NR6A1: variants seen among roughly 807,000 people sequenced by gnomAD.
NR6A1 encodes nuclear receptor subfamily 6 group A member 1.
In NR6A1, 7 loss-of-function variants were observed where a neutral mutation model predicts 59.1. The ratio of observed to expected loss-of-function variants is 0.12; its 90% CI spans 0.07 to 0.22. The LOEUF (loss-of-function observed/expected upper bound fraction) is 0.22. Ranked by LOEUF, NR6A1 falls within the 10% of genes least tolerant of loss-of-function variation. NR6A1 has a pLI of 1.00. For synonymous variants in NR6A1, 243 were observed against 236.1 expected, an observed-to-expected ratio of 1.03 and a Z score of -0.27; for missense variants, 468 against 611.6, an observed-to-expected ratio of 0.77 and a Z score of 2.48.
chr9:124,745,938 A>C (rs1363120306), intron 1 of NR6A1, among the ~76,000 whole-genome samples: 1 of 150,156 alleles, frequency 6.7e-6, no homozygotes, highest in African/African-American at 2.5e-5. Flanking sequence ...CAGTAAGCCA[A>C]GATCGCGCCA....
intron 1 of NR6A1, among the ~76,000 whole-genome samples, chr9:124,753,409 G>T (rs1416939871): frequency 6.6e-6 from 1 of 152,122 alleles, no homozygotes; most frequent in African/African-American, 2.4e-5. Context: ...ATAAATGTTG[G>T]GTTGCAGAAT....
intron 2 of NR6A1, among the ~76,000 whole-genome samples, chr9:124,678,331 T>TA (rs887850508): frequency 3.0e-4 from 46 of 152,234 alleles, no homozygotes; most frequent in African/African-American, 1.1e-3. Flanking sequence ...TAAGTCTGAA[T>TA]AATGTACATA....
rs544073664 is a variant in NR6A1 at position 124,749,557 on chromosome 9, A to AT, written c.101-16209dup. Among the ~76,000 whole-genome samples, 892 of 149,492 alleles carry AT rather than the reference A, an allele frequency of 6.0e-3. 9 individuals carry two copies. Among genetic ancestry groups the AT allele is most frequent in the African/African-American group, 0.02 (824 of 40,852 alleles). ...ACCCAATCAATAAAATAAATACGGT[A>AT]TTTTTTTTTTAAGAGACAGGTCTCG... On this transcript the variant is annotated intron_variant, in intron 1 of 9. Transcript: ENST00000487099.
chr9:124,624,088 C>T (rs2071477635), intron 2 of NR6A1, among the ~76,000 whole-genome samples: 1 of 152,136 alleles, frequency 6.6e-6, no homozygotes, highest in Non-Finnish European at 1.5e-5. Context: ...AGAATATGAA[C>T]CCAGGAATGT....
At chr9:124,732,042 A>G (rs187943313) in intron 2 of NR6A1, among the ~76,000 whole-genome samples, 128 of 152,326 alleles carry the variant, frequency 8.4e-4, no homozygotes, top group Admixed American at 1.4e-3. Flanking sequence ...AAAGACAAAT[A>G]TATTTCCCTG....
chr9:124,633,744 T>C (rs144735369), intron 2 of NR6A1, among the ~76,000 whole-genome samples: 131 of 152,240 alleles, frequency 8.6e-4, no homozygotes, highest in Middle Eastern at 3.4e-3. Context: ...AAAAAGAAGA[T>C]GCCAACTGCT....
rs539803438 is a variant in NR6A1, at chr9:124,584,380, C to T, written c.143-29810G>A. 2.0e-5 allele frequency among the ~76,000 whole-genome samples: 3 copies of T among 152,216 alleles called. No individual in the cohort carries two copies. In the South Asian group the frequency reaches 6.2e-4, roughly 32 times the overall value. ...TCGGCCTCCCAAAGTGCTGGGATTACAGTGTGAGCCACCGCGCCCAGCCAC... is the reference window on the plus strand; with the variant it reads ...TCGGCCTCCCAAAGTGCTGGGATTATAGTGTGAGCCACCGCGCCCAGCCAC... On this transcript the variant is annotated intron_variant, in intron 2 of 9. Transcript: ENST00000487099.
At chr9:124,564,193 C>T (rs1018258310) in intron 2 of NR6A1, among the ~76,000 whole-genome samples, 1 of 152,030 alleles carries the variant, frequency 6.6e-6, no homozygotes, top group Admixed American at 6.6e-5. Context: ...TTTTAGCAAA[C>T]TAGAAACAGA....
At chr9:124,714,700 T>C (rs1043154535) in intron 2 of NR6A1, among the ~76,000 whole-genome samples, 6 of 152,052 alleles carry the variant, frequency 3.9e-5, no homozygotes, top group African/African-American at 1.4e-4. Context: ...AAGATACAAA[T>C]ACATAAAAAT....
chr9:124,625,475 C>A (rs541279006), intron 2 of NR6A1, among the ~76,000 whole-genome samples: 1 of 152,130 alleles, frequency 6.6e-6, no homozygotes, highest in Non-Finnish European at 1.5e-5. Context: ...CAAAGGTATG[C>A]GCCACCATGT....
At chr9:124,685,761 T>C (rs1178877200) in intron 2 of NR6A1, among the ~76,000 whole-genome samples, 1 of 152,230 alleles carries the variant, frequency 6.6e-6, no homozygotes, top group Non-Finnish European at 1.5e-5. Context: ...CCAGAATTAT[T>C]TCCCCATTCA....
Position 124,686,645 on chromosome 9 carries a change from T to G in NR6A1, c.142+46663A>C, listed in dbSNP as rs529356811. ...CAAAATAATCTAAAATAGTAATACCTCAAACACGTGAAGTCACTGCAACAA... is the reference window on the plus strand; with the variant it reads ...CAAAATAATCTAAAATAGTAATACCGCAAACACGTGAAGTCACTGCAACAA... On this transcript the variant is annotated intron_variant, in intron 2 of 9. Coordinates refer to ENST00000487099, the MANE Select transcript of NR6A1 (RefSeq NM_033334.4). Among the ~76,000 whole-genome samples, 7 of 151,786 alleles carry G rather than the reference T, an allele frequency of 4.6e-5. No individual in the cohort carries two copies. The South Asian group carries it at 1.5e-3, about 32-fold the overall frequency.
chr9:124,599,988 T>C (rs1362378466), intron 2 of NR6A1, among the ~76,000 whole-genome samples: 1 of 152,208 alleles, frequency 6.6e-6, no homozygotes, highest in Non-Finnish European at 1.5e-5. Context: ...AGTTCTTCAG[T>C]GTAAAACAAA....
intron 2 of NR6A1, among the ~76,000 whole-genome samples, chr9:124,588,653 C>T (rs979297175): frequency 6.7e-6 from 1 of 148,426 alleles, no homozygotes; most frequent in African/African-American, 2.5e-5. Flanking sequence ...GGCGTGGTGG[C>T]TCACGCCGGT....
intron 2 of NR6A1, among the ~76,000 whole-genome samples, chr9:124,613,528 C>T (rs1278092542): frequency 1.3e-5 from 2 of 151,684 alleles, no homozygotes; most frequent in Non-Finnish European, 2.9e-5. Flanking sequence ...AGGCATGGTG[C>T]CACACACCTG....
chr9:124,593,282 C>T (rs1048337979), intron 2 of NR6A1, among the ~76,000 whole-genome samples: 1 of 152,148 alleles, frequency 6.6e-6, no homozygotes. Flanking sequence ...AGAGCCAATA[C>T]CAGCTGTTCG....
At chr9:124,749,895 A>ACTTCCC (rs1171509698) in intron 1 of NR6A1, among the ~76,000 whole-genome samples, 2 of 152,296 alleles carry the variant, frequency 1.3e-5, no homozygotes, top group Non-Finnish European at 1.5e-5. Flanking sequence ...TTGCATCCCT[A>ACTTCCC]CTTCCCCACA....
intron 2 of NR6A1, among the ~76,000 whole-genome samples, chr9:124,664,095 G>T (rs559780744): frequency 1.2e-4 from 18 of 152,212 alleles, no homozygotes; most frequent in Non-Finnish European, 2.4e-4. Flanking sequence ...TAAAATCAAA[G>T]ATTTAAGAAG....
intron 2 of NR6A1, among the ~76,000 whole-genome samples, chr9:124,578,293 G>T (rs536788553): frequency 6.6e-6 from 1 of 151,792 alleles, no homozygotes; most frequent in African/African-American, 2.4e-5. Context: ...CCAGAGGCCT[G>T]TATCTACACT....
Sources: gnomAD v4.1 joint callset for allele counts (sites outside exome capture counted in the v4.1 genomes callset) on GRCh38, gnomAD v4.1.1 for gene constraint, MANE v1.5 for transcripts, NCBI Gene and HGNC (gene_info 2026-07-23, HGNC 2026-07-21) for gene names.